Variants in CCDC102B observed in about 807,000 individuals in gnomAD.
CCDC102B encodes the protein coiled-coil domain containing 102B.
CCDC102B carries 75 observed loss-of-function variants against 57.4 expected under a neutral mutation model. The observed-to-expected ratio is 1.31, with a 90% CI of 1.08 to 1.58. The LOEUF (loss-of-function observed/expected upper bound fraction) is 1.58. Ranked by LOEUF, CCDC102B falls within the 40% of genes most tolerant of loss-of-function variation. The pLI is 0.00. For missense variants in CCDC102B, 636 were observed against 582.6 expected, an observed-to-expected ratio of 1.09 and a Z score of -0.94; for synonymous variants, 206 against 201.9, an observed-to-expected ratio of 1.02 and a Z score of -0.17.
intron 2 of CCDC102B, among the ~76,000 whole-genome samples, chr18:68,722,493 G>A (rs910902658): frequency 3.3e-5 from 5 of 152,148 alleles, no homozygotes; most frequent in Non-Finnish European, 7.3e-5. Flanking sequence ...AAAAGGATGT[G>A]AAAGAGACAG....
chr18:68,806,977 CG>C (rs2036055452), intron 1 of CCDC102B, among the ~76,000 whole-genome samples: 1 of 152,010 alleles, frequency 6.6e-6, no homozygotes, highest in African/African-American at 2.4e-5. Context: ...AGAATATAAA[CG>C]GTTCAAAAAT....
At chr18:68,969,098 T>G (rs1339300337) in intron 6 of CCDC102B, among the ~76,000 whole-genome samples, 1 of 152,200 alleles carries the variant, frequency 6.6e-6, no homozygotes, top group Non-Finnish European at 1.5e-5. Flanking sequence ...CACATTAGCC[T>G]AAAATTTGGA....
intron 4 of CCDC102B, among the ~76,000 whole-genome samples, chr18:68,869,746 T>G (rs2144913695): frequency 6.6e-6 from 1 of 152,334 alleles, no homozygotes; most frequent in African/African-American, 2.4e-5. Flanking sequence ...TTTGTCAATT[T>G]TGGTTTTCAT....
intron 6 of CCDC102B, among the ~76,000 whole-genome samples, chr18:68,976,982 T>G (rs1162878276): frequency 1.3e-5 from 2 of 152,148 alleles, no homozygotes; most frequent in Non-Finnish European, 2.9e-5. Flanking sequence ...CCCAACACTA[T>G]GCATATCGTC....
intron 7 of CCDC102B, among the ~76,000 whole-genome samples, chr18:69,037,394 G>T (rs1225407433): frequency 2.0e-5 from 3 of 152,020 alleles, no homozygotes; most frequent in Non-Finnish European, 4.4e-5. Flanking sequence ...AGCTTTATAA[G>T]TTCAAGGATA....
At chr18:68,885,370 G>T (rs2039846517) in intron 5 of CCDC102B, among the ~76,000 whole-genome samples, 1 of 151,974 alleles carries the variant, frequency 6.6e-6, no homozygotes, top group East Asian at 1.9e-4. Context: ...CCAAATGAAG[G>T]TCATGATGGT....
chr18:68,774,922 A>G (rs12454311), intron 2 of CCDC102B, among the ~76,000 whole-genome samples: 9,746 of 151,422 alleles, frequency 0.064, 583 homozygotes, highest in African/African-American at 0.15. Flanking sequence ...GAAATATTAT[A>G]GTTTTTCCAT....
At chr18:68,765,381 A>G (rs528446190) in intron 2 of CCDC102B, among the ~76,000 whole-genome samples, 99 of 138,550 alleles carry the variant, frequency 7.1e-4, no homozygotes, top group Middle Eastern at 3.6e-3. Flanking sequence ...AAGAAAGAAA[A>G]GAAAGAAAGA....
At chr18:68,876,843 G>T (rs2039468207) in intron 5 of CCDC102B, among the ~76,000 whole-genome samples, 1 of 152,056 alleles carries the variant, frequency 6.6e-6, no homozygotes, top group Non-Finnish European at 1.5e-5. Context: ...GAATCAAGCT[G>T]TCACAGAGAA....
intron 3 of CCDC102B, among the ~76,000 whole-genome samples, chr18:68,840,881 A>G (rs1378483783): frequency 6.6e-6 from 1 of 152,204 alleles, no homozygotes; most frequent in Non-Finnish European, 1.5e-5. Flanking sequence ...GAATAAATGA[A>G]CAATTCTCAG....
At position 68,912,306 on chromosome 18, in the gene CCDC102B, C is replaced by T. The variant is rs1251526894; in HGVS notation, c.1263+14878C>T. Among the ~76,000 whole-genome samples the T allele has an allele frequency of 2.0e-5, 3 of 152,174 alleles. No homozygotes were observed. The East Asian group carries it at 5.8e-4, about 29-fold the overall frequency. ...ACTACTCTGTAAGTACTGTTTTAGA[C>T]AGTTAGATATAAAGAAAAACATACA... On this transcript the variant is annotated intron_variant, in intron 6 of 7. Coordinates refer to ENST00000360242, the MANE Select transcript of CCDC102B (RefSeq NM_024781.3).
At chr18:68,763,528 G>A (rs979049343) in intron 2 of CCDC102B, among the ~76,000 whole-genome samples, 5 of 152,024 alleles carry the variant, frequency 3.3e-5, no homozygotes, top group African/African-American at 1.2e-4. Flanking sequence ...CTAATCTGAA[G>A]AATTAAAGAT....
chr18:68,834,432 C>CACATATATATAT (rs2037274915), intron 1 of CCDC102B, among the ~76,000 whole-genome samples: 1 of 137,714 alleles, frequency 7.3e-6, no homozygotes, highest in Admixed American at 7.3e-5. Context: ...TATGTAAATA[C>CACATATATATAT]ATATATATAT....
chr18:68,959,295 A>G (rs186916537), intron 6 of CCDC102B, among the ~76,000 whole-genome samples: 2 of 152,232 alleles, frequency 1.3e-5, no homozygotes. Flanking sequence ...CTTGGGTAAC[A>G]TCTGGAAGAA....
chr18:68,906,546 G>C (rs1225167168), intron 6 of CCDC102B, among the ~76,000 whole-genome samples: 1 of 152,060 alleles, frequency 6.6e-6, no homozygotes, highest in African/African-American at 2.4e-5. Flanking sequence ...ATCCCAGTGG[G>C]TTTGGTTTCT....
intron 1 of CCDC102B, among the ~76,000 whole-genome samples, chr18:68,829,088 G>C (rs1206218106): frequency 6.6e-6 from 1 of 151,892 alleles, no homozygotes; most frequent in East Asian, 1.9e-4. Context: ...GGATTCACCA[G>C]AAATTTTGCA....
intron 2 of CCDC102B, among the ~76,000 whole-genome samples, chr18:68,766,823 G>A (rs2034483598): frequency 6.6e-6 from 1 of 152,110 alleles, no homozygotes; most frequent in South Asian, 2.1e-4. Context: ...CTCAGAGAAA[G>A]CAAAATTATG....
intron 7 of CCDC102B, among the ~76,000 whole-genome samples, chr18:69,044,759 A>T (rs968905035): frequency 6.6e-6 from 1 of 152,152 alleles, no homozygotes; most frequent in African/African-American, 2.4e-5. Flanking sequence ...CACGTTTGGG[A>T]TCTCTTCCTT....
intron 6 of CCDC102B, among the ~76,000 whole-genome samples, chr18:68,912,060 A>G (rs1252287247): frequency 6.6e-6 from 1 of 152,142 alleles, no homozygotes; most frequent in African/African-American, 2.4e-5. Flanking sequence ...CCAAATCACT[A>G]CATTTCTTAT....
Sources: allele counts gnomAD v4.1 joint callset (sites outside exome capture counted in the v4.1 genomes callset), GRCh38; gene constraint gnomAD v4.1.1; transcripts MANE v1.5; gene names NCBI Gene and HGNC (gene_info 2026-07-23, HGNC 2026-07-21).